FAF1: variants seen among roughly 807,000 people sequenced by gnomAD.
FAF1 encodes FAS-associated factor 1.
A neutral mutation model predicts 92.5 loss-of-function variants in FAF1; 25 were observed. The observed-to-expected ratio is 0.27, with a 90% CI of 0.20 to 0.38. FAF1 has a LOEUF of 0.38. Among genes scored for constraint, FAF1 ranks in the 10% least tolerant of loss-of-function variants. The pLI, the probability that FAF1 is intolerant of heterozygous loss-of-function variation, is 1.00. For synonymous variants in FAF1, 234 were observed against 273.2 expected, an observed-to-expected ratio of 0.86 and a Z score of 1.42; for missense variants, 636 against 793.3, an observed-to-expected ratio of 0.80 and a Z score of 2.38.
intron 2 of FAF1, among the ~76,000 whole-genome samples, chr1:50,820,898 C>A (rs1256881138): frequency 6.6e-6 from 1 of 151,922 alleles, no homozygotes; most frequent in Non-Finnish European, 1.5e-5. Flanking sequence ...TCCATTCATT[C>A]ATTGATGAAC....
At chr1:50,500,181 C>G (rs1646966315) in intron 15 of FAF1, among the ~76,000 whole-genome samples, 1 of 151,986 alleles carries the variant, frequency 6.6e-6, no homozygotes, top group East Asian at 1.9e-4. Context: ...TGGAAATGCA[C>G]AGGACCTACA....
chr1:50,548,299 A>T (rs74080003), intron 13 of FAF1, among the ~76,000 whole-genome samples: 3,644 of 152,236 alleles, frequency 0.024, 149 homozygotes, highest in African/African-American at 0.083. Context: ...GGTTCAGATG[A>T]AGTGCTGGGG....
At chr1:50,845,982 G>A (rs1342131776) in intron 2 of FAF1, among the ~76,000 whole-genome samples, 1 of 151,874 alleles carries the variant, frequency 6.6e-6, no homozygotes, top group Non-Finnish European at 1.5e-5. Context: ...AAATTAGCTG[G>A]GCGTGGTGGG....
chr1:50,645,109 G>A (rs1045254569), intron 8 of FAF1, among the ~76,000 whole-genome samples: 1 of 152,090 alleles, frequency 6.6e-6, no homozygotes, highest in African/African-American at 2.4e-5. Context: ...GACTCTATAT[G>A]TTGACAAGGG....
chr1:50,638,820 T>G (rs1654187487), intron 8 of FAF1, among the ~76,000 whole-genome samples: 1 of 152,256 alleles, frequency 6.6e-6, no homozygotes, highest in Non-Finnish European at 1.5e-5. Flanking sequence ...TAAGTTAGTT[T>G]GCTTTTGCTT....
intron 4 of FAF1, among the ~76,000 whole-genome samples, chr1:50,772,699 G>T (rs1412464237): frequency 6.6e-6 from 1 of 152,150 alleles, no homozygotes; most frequent in Non-Finnish European, 1.5e-5. Context: ...GGGACTACTT[G>T]AGAGTGGAGA....
At chr1:50,576,219 A>T (rs1445951293) in intron 12 of FAF1, among the ~76,000 whole-genome samples, 5 of 152,236 alleles carry the variant, frequency 3.3e-5, no homozygotes, top group African/African-American at 1.2e-4. Flanking sequence ...GTCTCAAAAC[A>T]ACCTCTATAA....
At chr1:50,666,930 A>T (rs1655661427) in intron 7 of FAF1, among the ~76,000 whole-genome samples, 1 of 152,332 alleles carries the variant, frequency 6.6e-6, no homozygotes, top group South Asian at 2.1e-4. Context: ...GTGATCAACT[A>T]TGGGCAAAGC....
intron 8 of FAF1, among the ~76,000 whole-genome samples, chr1:50,598,547 G>A (rs1041276075): frequency 1.3e-5 from 2 of 151,718 alleles, no homozygotes; most frequent in Admixed American, 6.6e-5. Flanking sequence ...CTGTGAGGAT[G>A]GCTTAAATGA....
chr1:50,797,408 TATTG>T (rs763302426), intron 3 of FAF1, among the ~76,000 whole-genome samples: 1 of 152,174 alleles, frequency 6.6e-6, no homozygotes, highest in Non-Finnish European at 1.5e-5. Flanking sequence ...TAAAAAAAGA[TATTG>T]ATTGAATGCC....
rs115123066 is a variant in FAF1, at chr1:50,540,929, G to A, written c.1269-1201C>T. Among the ~76,000 whole-genome samples the A allele has an allele frequency of 1.6e-3, 237 of 152,256 alleles. 1 individual carries two copies. The highest frequency in any genetic ancestry group is 2.8e-3 in the Non-Finnish European group (188 of 68,014). On this transcript the variant is annotated intron_variant, in intron 13 of 18. Transcript: ENST00000396153. ...ATGTTCATGAAAGGCAACTTAAATCGTGTGTTTTCTTATGCCTTATGATAA... is the reference window on the plus strand; with the variant it reads ...ATGTTCATGAAAGGCAACTTAAATCATGTGTTTTCTTATGCCTTATGATAA...
chr1:50,719,034 A>C (rs185016698), intron 6 of FAF1, among the ~76,000 whole-genome samples: 1 of 152,362 alleles, frequency 6.6e-6, no homozygotes, highest in East Asian at 1.9e-4. Context: ...GCAATGACAG[A>C]TTAGGTTCAA....
intron 2 of FAF1, among the ~76,000 whole-genome samples, chr1:50,840,911 G>A (rs1442265948): frequency 6.6e-6 from 1 of 151,862 alleles, no homozygotes; most frequent in Admixed American, 6.6e-5. Context: ...ATACCACTCG[G>A]TCAAGAAAAA....
chr1:50,647,551 A>C (rs985916178), intron 8 of FAF1, among the ~76,000 whole-genome samples: 19 of 152,198 alleles, frequency 1.2e-4, no homozygotes, highest in Admixed American at 1.1e-3. Context: ...TTTTCTTTTA[A>C]CAGAGTTGTT....
intron 8 of FAF1, among the ~76,000 whole-genome samples, chr1:50,651,837 GACT>G (rs1253138291): frequency 6.6e-6 from 1 of 152,132 alleles, no homozygotes; most frequent in Non-Finnish European, 1.5e-5. Flanking sequence ...AACAAATATA[GACT>G]ACAAGTACCA....
At chr1:50,486,946 C>T (rs1021744963) in intron 17 of FAF1, among the ~76,000 whole-genome samples, 2 of 152,112 alleles carry the variant, frequency 1.3e-5, no homozygotes, top group Non-Finnish European at 2.9e-5. Context: ...CTATAAAGTC[C>T]ATCCCTTAAT....
At chr1:50,700,798 A>G (rs1331896320) in intron 7 of FAF1, among the ~76,000 whole-genome samples, 1 of 152,220 alleles carries the variant, frequency 6.6e-6, no homozygotes, top group East Asian at 1.9e-4. Context: ...GCAGGTAGAC[A>G]AATACTTATA....
intron 1 of FAF1, among the ~76,000 whole-genome samples, chr1:50,880,162 G>A (rs1644600342): frequency 6.6e-6 from 1 of 152,150 alleles, no homozygotes; most frequent in South Asian, 2.1e-4. Context: ...CTATCCAGTA[G>A]TGTCTAAGGA....
At position 50,857,997 on chromosome 1, in the gene FAF1, C is replaced by A. The variant is rs1158899206; in HGVS notation, c.46G>T (p.Ala16Ser). 1 of 1,580,482 alleles carries A rather than the reference C, an allele frequency of 6.3e-7. No homozygotes were observed. Among genetic ancestry groups the A allele is most frequent in the Non-Finnish European group, 8.6e-7 (1 of 1,164,226 alleles). ...TCAATGTTTTCAATGCCAGTACATG[C>A]CTGGAAAGAAAGTAAATAAGCATTT... The part of the protein sequence containing the change: ...DREMILADFQ[A>S]CTGIENIDEA... The change falls in exon 2 of 19, where the codon GCA (alanine) becomes TCA (serine). Residue 16 changes from alanine to serine, a missense_variant and splice_region_variant. Around this residue, in one of 2 missense-constraint regions of FAF1, gnomAD observed 317 missense variants for 342.4 expected, o/e 0.93. Coordinates refer to ENST00000396153, the MANE Select transcript of FAF1 (RefSeq NM_007051.3).
Sources: allele counts gnomAD v4.1 joint callset (sites outside exome capture counted in the v4.1 genomes callset), GRCh38; gene constraint gnomAD v4.1.1; regional missense constraint gnomAD v4.1.1; transcripts MANE v1.5; gene names NCBI Gene and HGNC (gene_info 2026-07-23, HGNC 2026-07-21).